Variants in CD209 observed in about 807,000 individuals in gnomAD.
CD209 encodes the protein CD209 molecule, also known as CD209 antigen.
CD209 carries 31 observed loss-of-function variants against 44.7 expected under a neutral mutation model. That is an observed-to-expected ratio of 0.69 (90% CI 0.52 to 0.94). The LOEUF is 0.94. Ranked by LOEUF, CD209 falls within the 40% of genes least tolerant of loss-of-function variation. CD209 has a pLI of 0.00. For synonymous variants in CD209, 173 were observed against 181.3 expected (o/e 0.95, Z 0.37); for missense variants, 407 against 452.4 (o/e 0.90, Z 0.91).
rs1218342169 is a variant in CD209, at chr19:7,740,874, G to T, written c.*2165C>A. 6 of 738,646 alleles carry T rather than the reference G, an allele frequency of 8.1e-6. No individual in the cohort carries two copies. Among genetic ancestry groups the T allele is most frequent in the Non-Finnish European group, 1.2e-5 (5 of 402,064 alleles). The allele number at this position is 738,646 out of a possible 1,614,324, so 45.8% of individuals were successfully genotyped here. The stretch of plus-strand genomic sequence containing the variant: ...GAAGATGCTGGATCAGGCTGAAAAT[G>T]AGTTGGAAAATGGCGCCACATGGCA... On this transcript the variant is annotated 3_prime_UTR_variant, in exon 7 of 7. Coordinates refer to ENST00000315599, the MANE Select transcript of CD209 (RefSeq NM_021155.4).
chr19:7,745,229 C>T, intron 4 of CD209, 137 bp from the exon 5 acceptor site: 4 of 1,238,920 alleles, frequency 3.2e-6, no homozygotes, highest in Non-Finnish European at 4.4e-6. Context: ...CTCCCCACTT[C>T]CCGAGACCCT....
rs2146314191 is a variant in CD209, at chr19:7,742,479, T to C, written c.*560A>G. The C allele has an allele frequency of 6.5e-6, 1 of 152,734 alleles. No individual in the cohort carries two copies. The highest frequency in any genetic ancestry group is 3.4e-3 in the Middle Eastern group (1 of 294). 9.5% of individuals were successfully genotyped at this position (152,734 alleles called of 1,614,324 possible). A position where few individuals can be genotyped will look rare whatever the true frequency, so the allele number is the denominator to read the frequency against. On this transcript the variant is annotated 3_prime_UTR_variant, in exon 7 of 7. Coordinates refer to ENST00000315599, the MANE Select transcript of CD209 (RefSeq NM_021155.4). The stretch of plus-strand genomic sequence containing the variant: ...TCTCGAAAAATAGTAATAATAATAA[T>C]AAAATAAAGAATACAACTTAGAAAC...
rs750939229 is a variant in CD209 at position 7,745,917 on chromosome 19, T to C, written c.349A>G (p.Lys117Glu). The C allele has an allele frequency of 5.0e-6, 8 of 1,613,348 alleles. No homozygotes were observed. The highest frequency in any genetic ancestry group is 6.8e-6 in the Non-Finnish European group (8 of 1,179,862). The change falls in exon 4 of 7, where the codon AAA becomes GAA. Residue 117 changes from lysine to glutamate, a missense_variant. Physicochemically the swap from Lys to Glu is moderately conservative, Grantham distance 56 (BLOSUM62 1). Transcript: ENST00000315599. ...TGGTAGATCTCCTGCAGCTTAGATT[T>C]CTCTGGAAGCTCACCCACTGCAGCC... The part of the protein sequence containing the change: ...LKAAVGELPE[K>E]SKLQEIYQEL...
chr19:7,747,181 G>A, intron 2 of CD209, 125 bp downstream of exon 2: 1 of 966,712 alleles, frequency 1.0e-6, no homozygotes, highest in East Asian at 2.4e-5. Flanking sequence ...TCAGGTCCCA[G>A]GAGTCCAGGC....
chr19:7,746,420 C>A, intron 3 of CD209, 40 bp downstream of exon 3: 1 of 1,604,098 alleles, frequency 6.2e-7, no homozygotes, highest in Non-Finnish European at 8.5e-7. Context: ...AGCCAAAAGC[C>A]AGGCGTGGGG....
Position 7,741,520 on chromosome 19 carries a change from T to TG in CD209, c.*1518dup, listed in dbSNP as rs1185327956. ...AAAAAATAGTAATTAAAAAATAACG[T>TG]GGGGAGAGTGATTCAGTTCAAGGTC... On this transcript the variant is annotated 3_prime_UTR_variant, in exon 7 of 7. Transcript: ENST00000315599. 8.6e-6 allele frequency: 5 copies of TG among 579,764 alleles called. No individual in the cohort carries two copies. The African/African-American group carries it at 9.5e-5, about 11-fold the overall frequency. 35.9% of individuals were successfully genotyped at this position (579,764 alleles called of 1,614,324 possible). A position where few individuals can be genotyped will look rare whatever the true frequency, so the allele number is the denominator to read the frequency against.
intron 6 of CD209, among the ~76,000 whole-genome samples, chr19:7,743,813 T>C (rs1288607381): frequency 1.3e-5 from 2 of 152,182 alleles, no homozygotes; most frequent in Non-Finnish European, 2.9e-5. Context: ...CTATTCACAA[T>C]GGCAGGTGTC....
chr19:7,745,956 G>C lies in CD209; in HGVS notation c.310C>G (p.Leu104Val). 1.2e-6 allele frequency: 2 copies of C among 1,614,220 alleles called. No homozygotes were observed. The highest frequency in any genetic ancestry group is 1.7e-6 in the Non-Finnish European group (2 of 1,180,030). Residue 104 changes from leucine (L) to valine (V), a missense_variant, in exon 4 of 7, where the codon CTG becomes GTG. Leu to Val is a conservative substitution (Grantham distance 32, BLOSUM62 1). Coordinates refer to ENST00000315599, the MANE Select transcript of CD209 (RefSeq NM_021155.4). ...KSKLQEIYQE[L>V]TQLKAAVGEL... ...CCCACTGCAGCCTTCAGCTGGGTCAGCTCCTGGTAGATCTCCTGCAGCTTG... is the reference window on the plus strand; with the variant it reads ...CCCACTGCAGCCTTCAGCTGGGTCACCTCCTGGTAGATCTCCTGCAGCTTG...
In CD209 at chr19:7,740,959, T is replaced by C. The variant is rs2033591363; in HGVS notation, c.*2080A>G. The C allele has an allele frequency of 2.8e-6, 2 of 715,116 alleles. No individual in the cohort carries two copies. Among genetic ancestry groups the C allele is most frequent in the South Asian group, 3.1e-5 (2 of 64,730 alleles). 44.3% of individuals were successfully genotyped at this position (715,116 alleles called of 1,614,324 possible). On this transcript the variant is annotated 3_prime_UTR_variant, in exon 7 of 7. Coordinates refer to ENST00000315599, the MANE Select transcript of CD209 (RefSeq NM_021155.4). ...GGAGAAGGATGGAGTTAATTGTCCC[T>C]TCTACAGTAAAACAGGAGCTTGCAG...
At chr19:7,743,382 C>A in intron 6 of CD209, 142 bp from the exon 7 acceptor site, 1 of 752,256 alleles carries the variant, frequency 1.3e-6, no homozygotes, top group Non-Finnish European at 2.3e-6. Context: ...TGATAATATG[C>A]CTGACTCACG....
Position 7,740,761 on chromosome 19 carries a change from TA to T in CD209, c.*2277del. 1 of 763,150 alleles carries T rather than the reference TA, an allele frequency of 1.3e-6. No individual in the cohort carries two copies. Among genetic ancestry groups the T allele is most frequent in the Non-Finnish European group, 2.5e-6 (1 of 408,112 alleles). 47.3% of individuals were successfully genotyped at this position (763,150 alleles called of 1,614,324 possible). On this transcript the variant is annotated 3_prime_UTR_variant, in exon 7 of 7. Transcript: ENST00000315599. ...AAACGGCAAGAACAAGAGCGAAAGTTAAAGGAACAATGGGAAGAACAGCAGA... is the reference window on the plus strand; with the variant it reads ...AAACGGCAAGAACAAGAGCGAAAGTTAAGGAACAATGGGAAGAACAGCAGA...
chr19:7,744,332 A>G, intron 5 of CD209, 113 bp from the exon 6 acceptor site: 1 of 777,338 alleles, frequency 1.3e-6, no homozygotes, highest in Non-Finnish European at 2.2e-6. Context: ...GCCTTCTGGT[A>G]TACTAGGTCC....
chr19:7,745,762 C>T lies in CD209; in HGVS notation c.504G>A (p.Glu168=). The change falls in exon 4 of 7, where the codon GAG becomes GAA. Residue 168 remains glutamate, a synonymous_variant. Coordinates refer to ENST00000315599, the MANE Select transcript of CD209 (RefSeq NM_021155.4). ...TCAGCCGAGTCAGCTCCTGGTAGAT[C>T]TCCTGCATCTTAGATTTCTCTGGAA... ...GELPEKSKMQ[E]IYQELTRLKA... is the part of the protein sequence containing the mutation. 1 of 1,605,908 alleles carries T rather than the reference C, an allele frequency of 6.2e-7. No homozygotes were observed. Among genetic ancestry groups the T allele is most frequent in the South Asian group, 1.1e-5 (1 of 90,940 alleles).
Position 7,740,242 on chromosome 19 carries a change from G to C in CD209, c.*2797C>G, listed in dbSNP as rs4804800. 1 of 391,960 alleles carries C rather than the reference G, an allele frequency of 2.6e-6. No homozygotes were observed. 24.3% of individuals were successfully genotyped at this position (391,960 alleles called of 1,614,324 possible). On this transcript the variant is annotated 3_prime_UTR_variant, in exon 7 of 7. Coordinates refer to ENST00000315599, the MANE Select transcript of CD209 (RefSeq NM_021155.4). Reference sequence around the variant, plus strand: ...CTTCTTAACTCAGTCCCTGTTCCTCGGTCTGAGCACTTAGGTTCCACGTGG... The same window carrying C: ...CTTCTTAACTCAGTCCCTGTTCCTCCGTCTGAGCACTTAGGTTCCACGTGG...
In CD209 at chr19:7,742,565, A is replaced by C. The variant is rs956606848; in HGVS notation, c.*474T>G. 1.2e-5 allele frequency: 2 copies of C among 166,620 alleles called. No individual in the cohort carries two copies. Among genetic ancestry groups the C allele is most frequent in the African/African-American group, 2.4e-5 (1 of 41,846 alleles). 10.3% of individuals were successfully genotyped at this position (166,620 alleles called of 1,614,324 possible). On this transcript the variant is annotated 3_prime_UTR_variant, in exon 7 of 7. Transcript: ENST00000315599. ...TGTGGGGGTGGAAGGGGTTGCGTGG[A>C]GCCTCCATGCCCTCTCTGGGTGCCA... is the stretch of plus-strand genomic sequence containing the variant.
At position 7,742,131 on chromosome 19, in the gene CD209, C is replaced by T. The variant is rs1423963024; in HGVS notation, c.*908G>A. ...AGTAGAGACAGAACTGTTCAGAGTCCCAAATCCCAATAAACCTGTTTTATT... is the reference window on the plus strand; with the variant it reads ...AGTAGAGACAGAACTGTTCAGAGTCTCAAATCCCAATAAACCTGTTTTATT... On this transcript the variant is annotated 3_prime_UTR_variant, in exon 7 of 7. Transcript: ENST00000315599. The T allele has an allele frequency of 4.3e-5, 10 of 233,224 alleles. No individual in the cohort carries two copies. In the South Asian group the frequency reaches 5.0e-4, roughly 12 times the overall value. 14.4% of individuals were successfully genotyped at this position (233,224 alleles called of 1,614,324 possible).
chr19:7,743,950 T>C lies in CD209; in HGVS notation c.1013+157A>G, dbSNP rs371659647. On this transcript the variant is annotated intron_variant, in intron 6 of 6. Coordinates refer to ENST00000315599, the MANE Select transcript of CD209 (RefSeq NM_021155.4). ...AATTCTAGGCACCTGCCATGCTGTCTGGAAGTGGGTATGAAGACCACCTTC... is the reference window on the plus strand; with the variant it reads ...AATTCTAGGCACCTGCCATGCTGTCCGGAAGTGGGTATGAAGACCACCTTC... Among the ~76,000 whole-genome samples, 11 of 152,338 alleles carry C rather than the reference T, an allele frequency of 7.2e-5. No homozygotes were observed. The East Asian group carries it at 1.2e-3, about 16-fold the overall frequency.
At chr19:7,747,284 C>A (rs1480054633) in intron 2 of CD209, 22 bp downstream of exon 2, 6 of 1,613,910 alleles carry the variant, frequency 3.7e-6, no homozygotes, top group Non-Finnish European at 4.2e-6. Flanking sequence ...TCTCTCCTCC[C>A]AAACTGCTAA....
At position 7,740,429 on chromosome 19, in the gene CD209, A is replaced by G; in HGVS notation, c.*2610T>C. On this transcript the variant is annotated 3_prime_UTR_variant, in exon 7 of 7. Coordinates refer to ENST00000315599, the MANE Select transcript of CD209 (RefSeq NM_021155.4). ...TTACCAGTTTATTATAAAGGATACA[A>G]CTAGAGGGGCGGGGCGGTGCCGGCA... The G allele has an allele frequency of 4.4e-6, 3 of 685,022 alleles. No homozygotes were observed. Among genetic ancestry groups the G allele is most frequent in the African/African-American group, 1.8e-5 (1 of 55,280 alleles). The allele number at this position is 685,022 out of a possible 1,614,324, so 42.4% of individuals were successfully genotyped here.
Sources: allele counts gnomAD v4.1 joint callset (sites outside exome capture counted in the v4.1 genomes callset), GRCh38; gene constraint gnomAD v4.1.1; transcripts MANE v1.5; gene names NCBI Gene and HGNC (gene_info 2026-07-23, HGNC 2026-07-21).